C20orf96: variants seen among roughly 807,000 people sequenced by gnomAD.
C20orf96 encodes uncharacterized protein C20orf96.
In C20orf96, 57 loss-of-function variants were observed where a neutral mutation model predicts 52.6. That is an observed-to-expected ratio of 1.08 (90% confidence interval 0.88 to 1.35). The LOEUF (loss-of-function observed/expected upper bound fraction) is 1.35. Among genes scored for constraint, C20orf96 ranks in the 40% most tolerant of loss-of-function variants. The pLI is 0.00. For synonymous variants in C20orf96, 168 were observed against 157.2 expected, an observed-to-expected ratio of 1.07 and a Z score of -0.51; for missense variants, 478 against 443.6, an observed-to-expected ratio of 1.08 and a Z score of -0.70.
chr20:287,177 C>T (rs1223596037), intron 3 of C20orf96, among the ~76,000 whole-genome samples: 1 of 152,152 alleles, frequency 6.6e-6, no homozygotes, highest in Non-Finnish European at 1.5e-5. Flanking sequence ...GGAATAAATG[C>T]CCAAGAGTAA....
chr20:272,153 TTA>T (rs1303702612), intron 10 of C20orf96, among the ~76,000 whole-genome samples: 1 of 152,084 alleles, frequency 6.6e-6, no homozygotes, highest in Non-Finnish European at 1.5e-5. Context: ...TGGCTATTCA[TTA>T]TATCATTCTC....
chr20:275,942 G>A (rs1435790228), intron 10 of C20orf96, 26 bp downstream of exon 10: 1 of 1,601,210 alleles, frequency 6.2e-7, no homozygotes. Context: ...ACTGGTTTAA[G>A]AGGCAGTGGC....
rs559513223 is a variant in C20orf96 at position 273,088 on chromosome 20, C to A, written c.1032-1821G>T. ...CTCTAGGGCTCAAGCAATCCTCCTG[C>A]CTTAGCCTTCACTGCAGCTGGGACT... On this transcript the variant is annotated intron_variant, in intron 10 of 10. Coordinates refer to ENST00000360321, the MANE Select transcript of C20orf96 (RefSeq NM_153269.3). 4.6e-5 allele frequency among the ~76,000 whole-genome samples: 7 copies of A among 152,342 alleles called. No homozygotes were observed. The South Asian group carries it at 1.2e-3, about 27-fold the overall frequency.
At chr20:274,484 T>C (rs1468580974) in intron 10 of C20orf96, among the ~76,000 whole-genome samples, 1 of 152,198 alleles carries the variant, frequency 6.6e-6, no homozygotes, top group Non-Finnish European at 1.5e-5. Context: ...TGCCTAATTC[T>C]GGGTTCACTA....
chr20:276,129 G>A (rs1462720787), intron 9 of C20orf96, 43 bp from the exon 10 acceptor site: 4 of 1,611,078 alleles, frequency 2.5e-6, no homozygotes, highest in Non-Finnish European at 3.4e-6. Flanking sequence ...GAGGCAAATG[G>A]CCCCCAACCA....
intron 6 of C20orf96, 55 bp downstream of exon 6, chr20:278,275 T>C (rs763268131): frequency 2.3e-6 from 3 of 1,307,988 alleles, no homozygotes; most frequent in Non-Finnish European, 3.3e-6. Flanking sequence ...GCTCTGCTGC[T>C]GACCTCCCCA....
At chr20:288,174 C>CTTTTTTTTTTTTTTTTTTTTTTTT (rs1237648367) in intron 3 of C20orf96, among the ~76,000 whole-genome samples, 31 of 66,040 alleles carry the variant, frequency 4.7e-4, no homozygotes, top group Non-Finnish European at 6.8e-4. Context: ...TTTTCTTTTT[C>CTTTTTTTTTTTTTTTTTTTTTTTT]TTTTTTTTTT....
chr20:283,884 G>A, intron 4 of C20orf96, 79 bp downstream of exon 4: 1 of 1,008,976 alleles, frequency 9.9e-7, no homozygotes, highest in Admixed American at 1.7e-5. Flanking sequence ...CACCCACAAA[G>A]TTCTCAGCAC....
intron 4 of C20orf96, among the ~76,000 whole-genome samples, chr20:280,057 A>T (rs1052389546): frequency 6.6e-6 from 1 of 152,086 alleles, no homozygotes; most frequent in African/African-American, 2.4e-5. Context: ...GGGGAGGCAA[A>T]ATGGATGATA....
Position 276,023 on chromosome 20 carries a change from G to A in C20orf96, c.976C>T (p.Gln326Ter). The A allele has an allele frequency of 1.9e-6, 3 of 1,614,170 alleles. No individual in the cohort carries two copies. Among genetic ancestry groups the A allele is most frequent in the Non-Finnish European group, 2.5e-6 (3 of 1,180,030 alleles). The change falls in exon 10 of 11, where the codon CAG becomes TAG. Residue 326 changes from glutamine (Q) to a stop codon, truncating the protein, a stop_gained. Coordinates refer to ENST00000360321, the MANE Select transcript of C20orf96 (RefSeq NM_153269.3). LOFTEE classifies it high-confidence loss of function. ...LRAEVEELQAQTREPREVIFE... is the reference protein window; with the variant it reads ...LRAEVEELQA ...ATGACCTCTCGGGGTTCCCGGGTCT[G>A]GGCTTGGAGCTCTTCCACCTCGGCC...
rs1025225134 is a variant in C20orf96, at chr20:271,081, G to C, written c.*126C>G. 5 of 739,808 alleles carry C rather than the reference G, an allele frequency of 6.8e-6. No homozygotes were observed. Among genetic ancestry groups the C allele is most frequent in the Non-Finnish European group, 9.2e-6 (4 of 436,300 alleles). 45.8% of individuals were successfully genotyped at this position (739,808 alleles called of 1,614,324 possible). On this transcript the variant is annotated 3_prime_UTR_variant, in exon 11 of 11. Transcript: ENST00000360321. ...AGGGAGGGAAAGAAAGAGGGAGGAA[G>C]GGCAGAGGGAGCAGGGAGACTGTAG...
chr20:284,276 A>G (rs1259910316), intron 3 of C20orf96, among the ~76,000 whole-genome samples, 195 bp from the exon 4 acceptor site: 2 of 152,214 alleles, frequency 1.3e-5, no homozygotes, highest in African/African-American at 2.4e-5. Flanking sequence ...CTGGGCCTCA[A>G]TATGAGGGAG....
At chr20:271,375 G>C (rs1466823098) in intron 10 of C20orf96, 108 bp from the exon 11 acceptor site, 1 of 827,976 alleles carries the variant, frequency 1.2e-6, no homozygotes, top group Admixed American at 3.0e-5. Context: ...CTTGGGTTGG[G>C]GGGCAATCCC....
In C20orf96 at chr20:289,669, A is replaced by C; in HGVS notation, c.77T>G (p.Val26Gly). 6.2e-7 allele frequency: 1 copy of C among 1,611,688 alleles called. No homozygotes were observed. Among genetic ancestry groups the C allele is most frequent in the Non-Finnish European group, 8.5e-7 (1 of 1,177,798 alleles). ...TTCCTGCTTGGACTGCTGCCATGGA[A>C]CATAATCCTACAAAATATACAATCA... ...IVQEFQVPDY[V>G]PWQQSKQETK... Residue 26 changes from valine to glycine, a missense_variant, in exon 3 of 11, where the codon GTT (valine) becomes GGT (glycine). Val to Gly is a moderately radical substitution (Grantham distance 109, BLOSUM62 -3). Transcript: ENST00000360321.
At chr20:277,490 G>A in intron 6 of C20orf96, 107 bp from the exon 7 acceptor site, 1 of 1,166,454 alleles carries the variant, frequency 8.6e-7, no homozygotes, top group Non-Finnish European at 1.2e-6. Context: ...CAGTAACTGG[G>A]GTCTGGGCTG....
intron 9 of C20orf96, 39 bp from the exon 10 acceptor site, chr20:276,125 A>C: frequency 6.2e-7 from 1 of 1,611,690 alleles, no homozygotes; most frequent in Non-Finnish European, 8.5e-7. Context: ...GGGAGAGGCA[A>C]ATGGCCCCCA....
At chr20:278,275 TG>T in intron 6 of C20orf96, 54 bp downstream of exon 6, 1 of 1,307,988 alleles carries the variant, frequency 7.6e-7, no homozygotes, top group Non-Finnish European at 1.1e-6. Context: ...GCTCTGCTGC[TG>T]ACCTCCCCAA....
intron 3 of C20orf96, among the ~76,000 whole-genome samples, chr20:285,181 TCTGAAA>T (rs1321359795): frequency 1.3e-5 from 2 of 152,190 alleles, no homozygotes; most frequent in East Asian, 3.8e-4. Flanking sequence ...ACTGGCTGTC[TCTGAAA>T]CACTCTAAGG....
chr20:281,370 C>T (rs754321972), intron 4 of C20orf96, among the ~76,000 whole-genome samples: 1 of 152,038 alleles, frequency 6.6e-6, no homozygotes, highest in African/African-American at 2.4e-5. Context: ...CACAATCAAG[C>T]CACTTAGTGA....
Sources: allele counts gnomAD v4.1 joint callset (sites outside exome capture counted in the v4.1 genomes callset), GRCh38; gene constraint gnomAD v4.1.1; transcripts MANE v1.5; gene names NCBI Gene and HGNC (gene_info 2026-07-23, HGNC 2026-07-21).